The following TRAP1 variants were observed in gnomAD, a reference collection of about 807,000 sequenced individuals.
TRAP1 encodes the protein heat shock protein 75 kDa, mitochondrial.
TRAP1 carries 102 observed loss-of-function variants against 89.1 expected under a neutral mutation model. The observed-to-expected ratio is 1.15, with a 90% CI of 0.98 to 1.35. The LOEUF (loss-of-function observed/expected upper bound fraction) is 1.35, where lower values mean the gene tolerates loss of function less well. Among genes scored for constraint, TRAP1 ranks in the 40% most tolerant of loss-of-function variants. The pLI, the probability that TRAP1 is intolerant of heterozygous loss-of-function variation, is 0.00. For synonymous variants in TRAP1, 508 were observed against 388.0 expected, an observed-to-expected ratio of 1.31 and a Z score of -3.64; for missense variants, 1,256 against 945.3, an observed-to-expected ratio of 1.33 and a Z score of -4.31.
Position 3,658,862 on chromosome 16 carries a change from G to C in TRAP1, c.1944C>G (p.His648Gln), listed in dbSNP as rs137975630. The part of the protein sequence containing the change: ...LQPTLEINPR[H>Q]ALIKKLNQLR... Reference sequence around the variant, plus strand: ...GCTGATTCAGCTTCTTGATGAGCGCGTGCCTGCAACACAGAACCCACCAGA... The same window carrying C: ...GCTGATTCAGCTTCTTGATGAGCGCCTGCCTGCAACACAGAACCCACCAGA... Residue 648 changes from histidine (H) to glutamine (Q), a missense_variant, in exon 17 of 18, where the codon CAC becomes CAG. Coordinates refer to ENST00000246957, the MANE Select transcript of TRAP1 (RefSeq NM_016292.3). The C allele has an allele frequency of 1.1e-5, 17 of 1,613,906 alleles. No homozygotes were observed. Among genetic ancestry groups the C allele is most frequent in the South Asian group, 4.4e-5 (4 of 91,084 alleles).
intron 1 of TRAP1, among the ~76,000 whole-genome samples, chr16:3,714,411 A>G (rs2051570685): frequency 6.6e-6 from 1 of 152,210 alleles, no homozygotes; most frequent in Non-Finnish European, 1.5e-5. Flanking sequence ...CTGTAATCCC[A>G]GCATTTTGGG....
intron 2 of TRAP1, among the ~76,000 whole-genome samples, chr16:3,689,419 T>C (rs2051182831): frequency 6.6e-6 from 1 of 152,096 alleles, no homozygotes; most frequent in Non-Finnish European, 1.5e-5. Context: ...TAATTTTTTG[T>C]AGTTTTAGTA....
At chr16:3,676,172 C>G (rs1391208635) in intron 6 of TRAP1, 27 bp from the exon 7 acceptor site, 1 of 1,604,542 alleles carries the variant, frequency 6.2e-7, no homozygotes, top group Non-Finnish European at 8.5e-7. Flanking sequence ...AAGGAAAAGC[C>G]AGGTGGATGT....
At chr16:3,667,666 T>G (rs766903655) in intron 11 of TRAP1, among the ~76,000 whole-genome samples, 11 of 150,620 alleles carry the variant, frequency 7.3e-5, no homozygotes, top group Non-Finnish European at 1.3e-4. Context: ...TAAAAAAATT[T>G]TATTAATGAT....
At chr16:3,662,822 C>A in intron 15 of TRAP1, 60 bp downstream of exon 15, 1 of 1,556,270 alleles carries the variant, frequency 6.4e-7, no homozygotes, top group South Asian at 1.1e-5. Context: ...GAGCCACCAG[C>A]TGGCCAGCCT....
rs1177913805 is a variant in TRAP1 at position 3,658,671 on chromosome 16, C to CA, written c.2013+121dup. ...CTGGCAACAGAGCAACACTCCATCT[C>CA]AAAAAACAAACAAACAAACAAAAAG... On this transcript the variant is annotated intron_variant, in intron 17 of 17. Coordinates refer to ENST00000246957, the MANE Select transcript of TRAP1 (RefSeq NM_016292.3). 1.9e-5 allele frequency: 17 copies of CA among 884,952 alleles called. No individual in the cohort carries two copies. The East Asian group carries it at 5.0e-4, about 26-fold the overall frequency. The allele number at this position is 884,952 out of a possible 1,614,324, so 54.8% of individuals were successfully genotyped here. A position where few individuals can be genotyped will look rare whatever the true frequency, so the allele number is the denominator to read the frequency against.
At chr16:3,716,055 G>T (rs527526112) in intron 1 of TRAP1, among the ~76,000 whole-genome samples, 1 of 152,032 alleles carries the variant, frequency 6.6e-6, no homozygotes, top group Non-Finnish European at 1.5e-5. Context: ...TAGAGACAGG[G>T]TTTCACCATG....
chr16:3,690,891 C>A lies in TRAP1; in HGVS notation c.183G>T (p.Thr61=). 6.3e-7 allele frequency: 1 copy of A among 1,589,330 alleles called. No homozygotes were observed. Among genetic ancestry groups the A allele is most frequent in the Non-Finnish European group, 8.6e-7 (1 of 1,167,998 alleles). ...WSLQAGRLFS[T]QTAEDKEEPL... ...GTTCCTCCTTGTCCTCGGCGGTCTG[C>A]GTGCTGAACAGTCGTCCTGCCTGCA... Residue 61 remains threonine (T), a synonymous_variant, in exon 2 of 18, where the codon ACG becomes ACT. Transcript: ENST00000246957.
chr16:3,672,521 G>A (rs775703686), intron 10 of TRAP1, among the ~76,000 whole-genome samples, 179 bp downstream of exon 10: 1 of 152,310 alleles, frequency 6.6e-6, no homozygotes, highest in African/African-American at 2.4e-5. Flanking sequence ...AGTCATGTGC[G>A]TAGGGAGGTG....
At chr16:3,704,418 A>C (rs2051411705) in intron 1 of TRAP1, 1 of 152,264 alleles carries the variant, frequency 6.6e-6, no homozygotes, top group Admixed American at 6.5e-5. Flanking sequence ...AAAATTTCAA[A>C]CACATTTTTA....
chr16:3,710,638 T>C (rs527511221), intron 1 of TRAP1, among the ~76,000 whole-genome samples: 5 of 152,272 alleles, frequency 3.3e-5, no homozygotes, highest in Admixed American at 2.6e-4. Context: ...TTCCATTGCC[T>C]GACAAATGCT....
chr16:3,705,127 C>A (rs1228283863), intron 1 of TRAP1, among the ~76,000 whole-genome samples: 1 of 152,006 alleles, frequency 6.6e-6, no homozygotes, highest in Non-Finnish European at 1.5e-5. Flanking sequence ...TGCAGTGGAG[C>A]CATCTGGGCT....
At chr16:3,716,248 A>G (rs879290707) in intron 1 of TRAP1, among the ~76,000 whole-genome samples, 21 of 152,236 alleles carry the variant, frequency 1.4e-4, no homozygotes, top group Non-Finnish European at 2.5e-4. Context: ...TGCCTGCTAA[A>G]GGGGATATAA....
Position 3,664,408 on chromosome 16 carries a change from G to GT in TRAP1, c.1434_1435insA (p.Gln479ThrfsTer37). 3 of 1,611,730 alleles carry GT rather than the reference G, an allele frequency of 1.9e-6. No individual in the cohort carries two copies. In the South Asian group the frequency reaches 3.3e-5, roughly 18 times the overall value. The stretch of plus-strand genomic sequence containing the variant: ...GCGTATTCTGAGAGGCTGGTTAGCT[G>GT]CCCGGAGGGCAGCGCCGAGGACTCG... On this transcript the variant is annotated frameshift_variant, in exon 13 of 18. Coordinates refer to ENST00000246957, the MANE Select transcript of TRAP1 (RefSeq NM_016292.3). LOFTEE classifies it high-confidence loss of function.
intron 1 of TRAP1, chr16:3,710,415 G>C (rs1275015558): frequency 6.6e-6 from 1 of 152,166 alleles, no homozygotes; most frequent in Non-Finnish European, 1.5e-5. Context: ...ACACTTCATA[G>C]ACGAAGGATT....
Position 3,685,875 on chromosome 16 carries a change from G to A in TRAP1, c.471+121C>T. The stretch of plus-strand genomic sequence containing the variant: ...CTACTGTAACACTAAATTATAGCCA[G>A]AGTTATCCTGGTGGTACGGACGGCC... On this transcript the variant is annotated intron_variant, in intron 4 of 17. Coordinates refer to ENST00000246957, the MANE Select transcript of TRAP1 (RefSeq NM_016292.3). 3 of 1,271,340 alleles carry A rather than the reference G, an allele frequency of 2.4e-6. No individual in the cohort carries two copies. The South Asian group carries it at 4.7e-5, about 20-fold the overall frequency. 78.8% of individuals were successfully genotyped at this position (1,271,340 alleles called of 1,614,324 possible). A position where few individuals can be genotyped will look rare whatever the true frequency, so the allele number is the denominator to read the frequency against.
intron 5 of TRAP1, 110 bp from the exon 6 acceptor site, chr16:3,677,768 G>T: frequency 7.8e-7 from 1 of 1,279,946 alleles, no homozygotes; most frequent in Non-Finnish European, 1.1e-6. Context: ...CCTGAAAACA[G>T]CCACACCGAG....
At chr16:3,700,248 T>C (rs557574621) in intron 1 of TRAP1, among the ~76,000 whole-genome samples, 9 of 145,874 alleles carry the variant, frequency 6.2e-5, no homozygotes, top group Admixed American at 5.5e-4. Flanking sequence ...GCTCACCCCA[T>C]CCTCCTCCTC....
Position 3,665,985 on chromosome 16 carries a change from C to T in TRAP1, c.1369G>A (p.Glu457Lys), listed in dbSNP as rs146643872. ...AGCTCCTATACCTTGACCTCCTGCT[C>T]GGTGGCGGTCACAATGCCCTCCCGC... The part of the protein sequence containing the change: ...FMREGIVTAT[E>K]QEVKEDIAKL... The change falls in exon 12 of 18, where the codon GAG (glutamate) becomes AAG (lysine). Residue 457 changes from glutamate (E) to lysine (K), a missense_variant. Transcript: ENST00000246957. The T allele has an allele frequency of 4.6e-5, 74 of 1,613,680 alleles. No individual in the cohort carries two copies. The highest frequency in any genetic ancestry group is 1.0e-4 in the Admixed American group (6 of 59,930).
Sources: gnomAD v4.1 joint callset for allele counts (sites outside exome capture counted in the v4.1 genomes callset) on GRCh38, gnomAD v4.1.1 for gene constraint, MANE v1.5 for transcripts, NCBI Gene and HGNC (gene_info 2026-07-23, HGNC 2026-07-21) for gene names.